Variants in EFNA5 observed in about 807,000 individuals in gnomAD.
EFNA5 encodes ephrin-A5.
In EFNA5, 5 loss-of-function variants were observed where a neutral mutation model predicts 22.9. The ratio of observed to expected loss-of-function variants is 0.22; its 90% confidence interval spans 0.11 to 0.46. EFNA5 has a LOEUF of 0.46. Among genes scored for constraint, EFNA5 ranks in the 20% least tolerant of loss-of-function variants. The probability of loss-of-function intolerance (pLI) is 0.99; values close to 1 mark genes in which losing one functional copy is unlikely to be tolerated. For synonymous variants in EFNA5, 113 were observed against 112.2 expected (o/e 1.01, Z -0.04); for missense variants, 237 against 293.3 (o/e 0.81, Z 1.40).
chr5:107,393,013 G>A (rs1747829788), intron 2 of EFNA5, among the ~76,000 whole-genome samples: 1 of 152,170 alleles, frequency 6.6e-6, no homozygotes, highest in Non-Finnish European at 1.5e-5. Context: ...GTTTGCTTTT[G>A]CTAATGCAGC....
At chr5:107,629,823 G>A (rs898035859) in intron 1 of EFNA5, among the ~76,000 whole-genome samples, 2 of 152,160 alleles carry the variant, frequency 1.3e-5, no homozygotes, top group African/African-American at 2.4e-5. Context: ...TTGGGAGGCT[G>A]AGAAGGGTGG....
At chr5:107,456,617 G>C (rs759702556) in intron 1 of EFNA5, among the ~76,000 whole-genome samples, 1 of 152,108 alleles carries the variant, frequency 6.6e-6, no homozygotes, top group African/African-American at 2.4e-5. Flanking sequence ...TTGCAACTGT[G>C]CCAGTGGTTG....
At chr5:107,475,833 C>G (rs1750269606) in intron 1 of EFNA5, among the ~76,000 whole-genome samples, 1 of 151,438 alleles carries the variant, frequency 6.6e-6, no homozygotes, top group Admixed American at 6.6e-5. Flanking sequence ...TCAAAATACC[C>G]AGGCTGAACT....
chr5:107,597,875 G>A (rs1580551388), intron 1 of EFNA5, among the ~76,000 whole-genome samples: 1 of 152,090 alleles, frequency 6.6e-6, no homozygotes, highest in Admixed American at 6.5e-5. Flanking sequence ...TGCATCCCCC[G>A]ACAGAATTCC....
rs1350973225 is a variant in EFNA5, at chr5:107,670,790, G to C, written c.-177C>G. On this transcript the variant is annotated 5_prime_UTR_variant, in exon 1 of 5. Coordinates refer to ENST00000333274, the MANE Select transcript of EFNA5 (RefSeq NM_001962.3). Reference sequence around the variant, plus strand: ...CGCCCACCAAGCTGGGGAGGGGTAGGAGAGCGAGAAGAAAAGAAGGCGGTG... The same window carrying C: ...CGCCCACCAAGCTGGGGAGGGGTAGCAGAGCGAGAAGAAAAGAAGGCGGTG... The C allele has an allele frequency of 2.6e-5, 21 of 819,072 alleles. No homozygotes were observed. The highest frequency in any genetic ancestry group is 3.3e-5 in the Non-Finnish European group (18 of 537,446). 50.7% of individuals were successfully genotyped at this position (819,072 alleles called of 1,614,324 possible).
intron 1 of EFNA5, among the ~76,000 whole-genome samples, chr5:107,633,816 C>G (rs1436371471): frequency 6.6e-6 from 1 of 152,118 alleles, no homozygotes; most frequent in Non-Finnish European, 1.5e-5. Flanking sequence ...CGTATTCACA[C>G]TTGAAAAAAC....
chr5:107,412,127 A>G (rs1325662768), intron 2 of EFNA5, among the ~76,000 whole-genome samples: 1 of 152,200 alleles, frequency 6.6e-6, no homozygotes, highest in Non-Finnish European at 1.5e-5. Context: ...GCTTGCCAAA[A>G]TTTTAAAAAT....
At chr5:107,436,251 G>A (rs889583004) in intron 1 of EFNA5, among the ~76,000 whole-genome samples, 2 of 152,180 alleles carry the variant, frequency 1.3e-5, no homozygotes, top group African/African-American at 4.8e-5. Flanking sequence ...TTAGCTTGAT[G>A]GAGGAGTTTC....
chr5:107,415,281 A>G (rs1748474039), intron 2 of EFNA5, among the ~76,000 whole-genome samples: 1 of 152,172 alleles, frequency 6.6e-6, no homozygotes, highest in Admixed American at 6.5e-5. Context: ...ATTTCAATGT[A>G]TTTATATGAT....
chr5:107,416,614 T>C (rs1270256829), intron 2 of EFNA5, among the ~76,000 whole-genome samples: 1 of 152,152 alleles, frequency 6.6e-6, no homozygotes, highest in Admixed American at 6.5e-5. Context: ...TCAGAACAAG[T>C]GTTACCGGAG....
At chr5:107,438,464 A>G (rs1334839702) in intron 1 of EFNA5, among the ~76,000 whole-genome samples, 1 of 152,184 alleles carries the variant, frequency 6.6e-6, no homozygotes, top group Non-Finnish European at 1.5e-5. Context: ...CCCAGCAACC[A>G]TGAGCTGGAA....
Position 107,667,242 on chromosome 5 carries a change from C to T in EFNA5, c.125+3247G>A, listed in dbSNP as rs531512508. Among the ~76,000 whole-genome samples the T allele has an allele frequency of 1.5e-4, 23 of 152,108 alleles. No individual in the cohort carries two copies. In the South Asian group the frequency reaches 2.1e-3, roughly 14 times the overall value. The stretch of plus-strand genomic sequence containing the variant: ...TTCACAAATTTGTGCCAATTCAACA[C>T]ATAAAAAAATCAGTTTGGTCCCCTA... On this transcript the variant is annotated intron_variant, in intron 1 of 4. Coordinates refer to ENST00000333274, the MANE Select transcript of EFNA5 (RefSeq NM_001962.3).
intron 1 of EFNA5, among the ~76,000 whole-genome samples, chr5:107,580,640 G>A (rs959407482): frequency 5.4e-5 from 8 of 149,430 alleles, no homozygotes; most frequent in African/African-American, 2.0e-4. Flanking sequence ...GGAGAATGGC[G>A]TGAACTCGGG....
intron 1 of EFNA5, among the ~76,000 whole-genome samples, chr5:107,563,197 A>G (rs1443484504): frequency 6.6e-6 from 1 of 152,112 alleles, no homozygotes; most frequent in Non-Finnish European, 1.5e-5. Flanking sequence ...TTAAAGAGAG[A>G]TCACTCTTAT....
chr5:107,593,444 C>T (rs1749416823), intron 1 of EFNA5, among the ~76,000 whole-genome samples: 2 of 152,328 alleles, frequency 1.3e-5, no homozygotes, highest in Admixed American at 6.5e-5. Flanking sequence ...GGAAACAGCA[C>T]TGCTTCTGAC....
intron 1 of EFNA5, among the ~76,000 whole-genome samples, chr5:107,432,736 A>ATCATATGCATAAAAAGAT (rs1748996763): frequency 6.6e-6 from 1 of 152,190 alleles, no homozygotes; most frequent in Non-Finnish European, 1.5e-5. Context: ...GCTCCCCAGA[A>ATCATATGCATAAAAAGAT]GGCTGCATGG....
At chr5:107,391,913 T>C (rs942139364) in intron 2 of EFNA5, among the ~76,000 whole-genome samples, 1 of 152,236 alleles carries the variant, frequency 6.6e-6, no homozygotes, top group Non-Finnish European at 1.5e-5. Flanking sequence ...CTCTGTTCCA[T>C]GACCTCAGAC....
intron 1 of EFNA5, among the ~76,000 whole-genome samples, chr5:107,436,978 G>T (rs771078401): frequency 1.1e-4 from 16 of 152,192 alleles, no homozygotes; most frequent in African/African-American, 1.4e-4. Context: ...CTCAAGGAGA[G>T]ATTTTTGGAA....
intron 1 of EFNA5, among the ~76,000 whole-genome samples, chr5:107,472,830 A>G (rs186957374): frequency 2.0e-5 from 3 of 152,354 alleles, no homozygotes; most frequent in Admixed American, 2.0e-4. Context: ...CAGTAACGTG[A>G]GCTGGCTCAG....
Sources: gnomAD v4.1 joint callset for allele counts (sites outside exome capture counted in the v4.1 genomes callset) on GRCh38, gnomAD v4.1.1 for gene constraint, MANE v1.5 for transcripts, NCBI Gene and HGNC (gene_info 2026-07-23, HGNC 2026-07-21) for gene names.